PTPRT: variants seen among roughly 807,000 people sequenced by gnomAD.
PTPRT encodes the protein receptor-type tyrosine-protein phosphatase T.
PTPRT carries 56 observed loss-of-function variants against 176.8 expected under a neutral mutation model. The ratio of observed to expected loss-of-function variants is 0.32; its 90% CI spans 0.26 to 0.40. The LOEUF (loss-of-function observed/expected upper bound fraction) is 0.40. PTPRT is among the 10% of genes least tolerant of loss of function. PTPRT has a pLI of 1.00. For synonymous variants in PTPRT, 783 were observed against 739.0 expected (o/e 1.06, Z -0.96); for missense variants, 1,540 against 1,908.2 (o/e 0.81, Z 3.60).
At chr20:42,714,071 G>A (rs2146208231) in intron 6 of PTPRT, among the ~76,000 whole-genome samples, 1 of 152,292 alleles carries the variant, frequency 6.6e-6, no homozygotes, top group Admixed American at 6.5e-5. Flanking sequence ...GCAGAACCAA[G>A]CTCTAGGTAG....
At chr20:43,115,530 C>G (rs1340635889) in intron 1 of PTPRT, among the ~76,000 whole-genome samples, 2 of 152,150 alleles carry the variant, frequency 1.3e-5, no homozygotes, top group Non-Finnish European at 2.9e-5. Context: ...CTCAGTGGAC[C>G]CTTGGCAATG....
intron 7 of PTPRT, among the ~76,000 whole-genome samples, chr20:42,640,745 T>C (rs1173820685): frequency 1.3e-5 from 2 of 152,112 alleles, no homozygotes; most frequent in African/African-American, 2.4e-5. Flanking sequence ...TTGAAATTAG[T>C]GGAAGACTTA....
At chr20:42,999,086 G>A (rs1318144871) in intron 1 of PTPRT, among the ~76,000 whole-genome samples, 1 of 152,116 alleles carries the variant, frequency 6.6e-6, no homozygotes, top group Non-Finnish European at 1.5e-5. Flanking sequence ...TCTCTTTATA[G>A]GCAACTAAGA....
chr20:42,723,616 A>G lies in PTPRT; in HGVS notation c.859+32846T>C, dbSNP rs147717585. ...AGGGCCTGCATAATACCCCTCTTCC[A>G]CTCTACCCTACAGGGACAGGACACA... On this transcript the variant is annotated intron_variant, in intron 6 of 30. Transcript: ENST00000373187. 2.3e-3 allele frequency among the ~76,000 whole-genome samples: 349 copies of G among 151,874 alleles called. 3 individuals are homozygous for G. Among genetic ancestry groups the G allele is most frequent in the African/African-American group, 8.1e-3 (336 of 41,400 alleles).
chr20:42,222,746 T>G (rs972182075), intron 15 of PTPRT, among the ~76,000 whole-genome samples: 2 of 152,228 alleles, frequency 1.3e-5, no homozygotes, highest in African/African-American at 2.4e-5. Flanking sequence ...CAGTATTATT[T>G]GTAATATGCT....
chr20:42,114,587 C>T (rs373591178), intron 22 of PTPRT, among the ~76,000 whole-genome samples: 3 of 152,146 alleles, frequency 2.0e-5, no homozygotes, highest in African/African-American at 4.8e-5. Context: ...CCTTTGTTGT[C>T]GGAGGCTGTC....
chr20:42,346,989 T>A (rs1264834688), intron 11 of PTPRT, among the ~76,000 whole-genome samples: 2 of 152,048 alleles, frequency 1.3e-5, no homozygotes, highest in African/African-American at 2.4e-5. Flanking sequence ...GGCCACCCGG[T>A]CATCACGTGA....
intron 9 of PTPRT, among the ~76,000 whole-genome samples, chr20:42,382,628 C>A (rs1568830871): frequency 6.6e-6 from 1 of 151,730 alleles, no homozygotes; most frequent in Non-Finnish European, 1.5e-5. Flanking sequence ...GGGGACAAAG[C>A]AGAATAAATA....
chr20:42,218,516 C>G (rs2055819889), intron 15 of PTPRT, among the ~76,000 whole-genome samples: 1 of 152,182 alleles, frequency 6.6e-6, no homozygotes, highest in Non-Finnish European at 1.5e-5. Context: ...TAAACTCTGA[C>G]TATAGCAAGG....
chr20:43,020,822 A>G (rs1985640863), intron 1 of PTPRT, among the ~76,000 whole-genome samples: 1 of 152,210 alleles, frequency 6.6e-6, no homozygotes, highest in Admixed American at 6.5e-5. Context: ...TGTGTTTTAT[A>G]AGCTCTATCT....
intron 1 of PTPRT, among the ~76,000 whole-genome samples, chr20:43,029,268 C>T (rs552600273): frequency 3.3e-5 from 5 of 152,324 alleles, no homozygotes; most frequent in Admixed American, 1.3e-4. Flanking sequence ...CCAAATTACA[C>T]GGAACAGCTG....
chr20:42,472,193 A>T, intron 8 of PTPRT, 73 bp downstream of exon 8: 2 of 1,502,504 alleles, frequency 1.3e-6, no homozygotes, highest in Non-Finnish European at 1.8e-6. Flanking sequence ...TAAAAGCCTC[A>T]TAACTGACTG....
intron 5 of PTPRT, among the ~76,000 whole-genome samples, chr20:42,760,860 A>T (rs1412284888): frequency 6.6e-6 from 1 of 152,172 alleles, no homozygotes; most frequent in Non-Finnish European, 1.5e-5. Flanking sequence ...TCTATTATTA[A>T]TCATGCTGAA....
intron 2 of PTPRT, among the ~76,000 whole-genome samples, chr20:42,849,500 GAC>G (rs2078433670): frequency 6.6e-6 from 1 of 152,142 alleles, no homozygotes; most frequent in Non-Finnish European, 1.5e-5. Flanking sequence ...TTCCCAAGAG[GAC>G]AATTTTGAAA....
At chr20:42,345,040 A>G (rs999425817) in intron 11 of PTPRT, among the ~76,000 whole-genome samples, 1 of 151,890 alleles carries the variant, frequency 6.6e-6, no homozygotes, top group Non-Finnish European at 1.5e-5. Context: ...CTGCCTCTCT[A>G]CTGAACTCTC....
At chr20:42,350,424 G>A (rs902589286) in intron 11 of PTPRT, among the ~76,000 whole-genome samples, 3 of 151,848 alleles carry the variant, frequency 2.0e-5, no homozygotes, top group Admixed American at 6.6e-5. Context: ...TTGTATAGAC[G>A]GGGTCTCCCT....
intron 1 of PTPRT, among the ~76,000 whole-genome samples, chr20:42,948,202 C>T (rs1981010098): frequency 6.6e-6 from 1 of 152,198 alleles, no homozygotes; most frequent in Non-Finnish European, 1.5e-5. Flanking sequence ...CTTCAAGGCC[C>T]TGCACCAGGA....
At chr20:42,746,479 C>T (rs1001915510) in intron 6 of PTPRT, among the ~76,000 whole-genome samples, 3 of 151,936 alleles carry the variant, frequency 2.0e-5, no homozygotes, top group African/African-American at 7.3e-5. Context: ...GCCTCTGACC[C>T]AAATCTAGGG....
intron 7 of PTPRT, among the ~76,000 whole-genome samples, chr20:42,561,701 G>C (rs559658381): frequency 1.1e-4 from 16 of 152,318 alleles, no homozygotes; most frequent in Non-Finnish European, 1.6e-4. Flanking sequence ...AGCTAGATGT[G>C]CTAAAGGAGT....
Sources: allele counts gnomAD v4.1 joint callset (sites outside exome capture counted in the v4.1 genomes callset), GRCh38; gene constraint gnomAD v4.1.1; transcripts MANE v1.5; gene names NCBI Gene and HGNC (gene_info 2026-07-23, HGNC 2026-07-21).